The following LPXN variants were observed in gnomAD, a reference collection of about 807,000 sequenced individuals.
The protein encoded by LPXN is leupaxin.
A neutral mutation model predicts 45.6 loss-of-function variants in LPXN; 28 were observed. That is an observed-to-expected ratio of 0.61 (90% CI 0.45 to 0.84). The LOEUF is 0.84. Among genes scored for constraint, LPXN ranks in the 40% least tolerant of loss-of-function variants. The probability of loss-of-function intolerance (pLI) is 0.00; values close to 1 mark genes in which losing one functional copy is unlikely to be tolerated. For missense variants in LPXN, 459 were observed against 475.0 expected (o/e 0.97, Z 0.31); for synonymous variants, 166 against 169.9 (o/e 0.98, Z 0.18).
At chr11:58,550,521 T>G (rs1162429613) in intron 5 of LPXN, among the ~76,000 whole-genome samples, 1 of 152,234 alleles carries the variant, frequency 6.6e-6, no homozygotes, top group African/African-American at 2.4e-5. Context: ...ACAGTTTTTA[T>G]TCCTCTAGTT....
At position 58,527,638 on chromosome 11, in the gene LPXN, C is replaced by G; in HGVS notation, c.977G>C (p.Gly326Ala). Residue 326 changes from glycine to alanine, a missense_variant, in exon 9 of 9, where the codon GGA becomes GCA. Transcript: ENST00000395074. ...CTGCCCACACCCATGGCAGAGCGTT[C>G]CCCGGCGGTGATGGTAATGGAGCTC... ...FCELHYHHRR[G>A]TLCHGCGQPI... 6.2e-7 allele frequency: 1 copy of G among 1,614,138 alleles called. No individual in the cohort carries two copies. The highest frequency in any genetic ancestry group is 1.6e-4 in the Middle Eastern group (1 of 6,062).
intron 2 of LPXN, among the ~76,000 whole-genome samples, chr11:58,570,334 AAAAT>A (rs1565205705): frequency 1.3e-5 from 2 of 151,598 alleles, no homozygotes; most frequent in Non-Finnish European, 2.9e-5. Flanking sequence ...AAAAATAAAA[AAAAT>A]AAAAAAAATT....
intron 2 of LPXN, among the ~76,000 whole-genome samples, chr11:58,569,108 A>G (rs1180928058): frequency 2.0e-5 from 3 of 152,216 alleles, no homozygotes; most frequent in Non-Finnish European, 4.4e-5. Context: ...AAGAACAGTT[A>G]GGGCGTAAAC....
At chr11:58,575,906 T>G (rs1854874476), upstream of LPXN, 2 of 1,553,530 alleles carry the variant, frequency 1.3e-6, no homozygotes, top group African/African-American at 1.4e-5. Context: ...GTTCCTGTAT[T>G]TGCTTAGCAC....
upstream of LPXN, chr11:58,577,938 G>A (rs1854954684): frequency 6.7e-7 from 1 of 1,498,944 alleles, no homozygotes. Flanking sequence ...CCTTGTGCTA[G>A]GGCTCCGAGG....
chr11:58,573,393 T>C (rs2134362425), intron 1 of LPXN, among the ~76,000 whole-genome samples: 1 of 152,324 alleles, frequency 6.6e-6, no homozygotes, highest in African/African-American at 2.4e-5. Context: ...ATCTTTCAAT[T>C]ATGCTAGAGC....
At chr11:58,555,378 G>A (rs1022997483) in intron 3 of LPXN, among the ~76,000 whole-genome samples, 1 of 152,090 alleles carries the variant, frequency 6.6e-6, no homozygotes, top group Non-Finnish European at 1.5e-5. Flanking sequence ...CCTCTTTACA[G>A]AACAAGTTTG....
At chr11:58,578,312 G>A (rs1030985864), upstream of LPXN, 4 of 342,046 alleles carry the variant, frequency 1.2e-5, no homozygotes, top group African/African-American at 8.7e-5. Context: ...TTCCCGTCGT[G>A]ACTCAGTTAG....
chr11:58,529,723 A>G (rs1228436214), intron 7 of LPXN, among the ~76,000 whole-genome samples: 1 of 152,208 alleles, frequency 6.6e-6, no homozygotes, highest in Non-Finnish European at 1.5e-5. Flanking sequence ...GCAATAAAAT[A>G]AATAATTTGG....
Position 58,527,404 on chromosome 11 carries a change from C to T in LPXN, c.*50G>A. ...GAAAATTTACCCTTTCCTCTCCTCT[C>T]TTGGTTTAAATTTTATAAGGAATCT... On this transcript the variant is annotated 3_prime_UTR_variant, in exon 9 of 9. Transcript: ENST00000395074. 6.3e-7 allele frequency: 1 copy of T among 1,594,994 alleles called. No homozygotes were observed. The highest frequency in any genetic ancestry group is 8.6e-7 in the Non-Finnish European group (1 of 1,165,368).
rs2120220668 is a variant in LPXN at position 58,536,370 on chromosome 11, C to A, written c.743-8179G>T. 1.3e-5 allele frequency among the ~76,000 whole-genome samples: 2 copies of A among 152,306 alleles called. 1 individual carries two copies. Among genetic ancestry groups the A allele is most frequent in the East Asian group, 3.9e-4 (2 of 5,182 alleles). On this transcript the variant is annotated intron_variant, in intron 7 of 8. Coordinates refer to ENST00000395074, the MANE Select transcript of LPXN (RefSeq NM_004811.3). ...AATAACACCACACATCTACAACCAT[C>A]TGATCTTTGACAAACTTGACAAAAA... is the stretch of plus-strand genomic sequence containing the variant.
chr11:58,577,387 G>A (rs985577623), upstream of LPXN, among the ~76,000 whole-genome samples: 21 of 152,296 alleles, frequency 1.4e-4, no homozygotes, highest in African/African-American at 4.8e-4. Context: ...GTACTGGAAG[G>A]AAAAATGTAC....
At chr11:58,575,699 A>C in intron 1 of LPXN, 61 bp downstream of exon 1, 2 of 1,588,428 alleles carry the variant, frequency 1.3e-6, no homozygotes, top group Non-Finnish European at 1.7e-6. Flanking sequence ...ACCCCACCAC[A>C]CAAGGAGATG....
chr11:58,560,071 A>G (rs1178155574), intron 3 of LPXN, among the ~76,000 whole-genome samples: 1 of 152,202 alleles, frequency 6.6e-6, no homozygotes, highest in Non-Finnish European at 1.5e-5. Context: ...ATACATTTCC[A>G]AATTCTTCGA....
Position 58,527,642 on chromosome 11 carries a change from G to T in LPXN, c.973C>A (p.Arg325=). 1 of 1,614,138 alleles carries T rather than the reference G, an allele frequency of 6.2e-7. No homozygotes were observed. The highest frequency in any genetic ancestry group is 8.5e-7 in the Non-Finnish European group (1 of 1,180,020). ...PFCELHYHHR[R]GTLCHGCGQP... ...CCACACCCATGGCAGAGCGTTCCCC[G>T]GCGGTGATGGTAATGGAGCTCACAG... The change falls in exon 9 of 9, where the codon CGG becomes AGG. Residue 325 remains arginine, a synonymous_variant. Transcript: ENST00000395074.
chr11:58,549,104 C>T (rs1853959613), intron 7 of LPXN, among the ~76,000 whole-genome samples: 1 of 152,080 alleles, frequency 6.6e-6, no homozygotes, highest in Admixed American at 6.5e-5. Flanking sequence ...TTATTTAAAA[C>T]ACATAAGCAG....
chr11:58,533,230 T>C (rs943647928), intron 7 of LPXN, among the ~76,000 whole-genome samples: 5 of 152,074 alleles, frequency 3.3e-5, no homozygotes, highest in Admixed American at 6.5e-5. Flanking sequence ...AACCCACCAA[T>C]TTCGGACACA....
chr11:58,542,298 T>A (rs1412057968), intron 7 of LPXN, among the ~76,000 whole-genome samples: 1 of 152,038 alleles, frequency 6.6e-6, no homozygotes, highest in Non-Finnish European at 1.5e-5. Flanking sequence ...AGTAGTTGAA[T>A]TTCTAATTTT....
At chr11:58,560,264 A>C (rs1486211325) in intron 3 of LPXN, among the ~76,000 whole-genome samples, 1 of 152,240 alleles carries the variant, frequency 6.6e-6, no homozygotes, top group African/African-American at 2.4e-5. Context: ...GTTATTATAC[A>C]CACACATACA....
Sources: allele counts gnomAD v4.1 joint callset (sites outside exome capture counted in the v4.1 genomes callset), GRCh38; gene constraint gnomAD v4.1.1; transcripts MANE v1.5; gene names NCBI Gene and HGNC (gene_info 2026-07-23, HGNC 2026-07-21).